Variants in PCDH15 observed in about 807,000 individuals in gnomAD.
The protein encoded by PCDH15 is protocadherin-15.
Under a neutral mutation model 178.5 loss-of-function variants are expected in PCDH15, and 129 were observed. That is an observed-to-expected ratio of 0.72 (90% CI 0.63 to 0.84). The LOEUF is 0.84. Among genes scored for constraint, PCDH15 ranks in the 40% least tolerant of loss-of-function variants. The probability of loss-of-function intolerance (pLI) is 0.00; values close to 1 mark genes in which losing one functional copy is unlikely to be tolerated. For synonymous variants in PCDH15, 800 were observed against 732.0 expected, an observed-to-expected ratio of 1.09 and a Z score of -1.50; for missense variants, 2,230 against 2,099.9, an observed-to-expected ratio of 1.06 and a Z score of -1.21.
At chr10:55,418,794 A>G (rs1011016489) in intron 2 of PCDH15, among the ~76,000 whole-genome samples, 3 of 151,944 alleles carry the variant, frequency 2.0e-5, no homozygotes, top group African/African-American at 7.2e-5. Context: ...AGATTTGACA[A>G]GTTCTCTTAT....
At position 54,485,112 on chromosome 10, in the gene PCDH15, T is replaced by G. The variant is rs187214474; in HGVS notation, c.157+42700A>C. On this transcript the variant is annotated intron_variant, in intron 3 of 37. Transcript: ENST00000644397. ...AATTCCACAATATGAGAACACTTAT[T>G]TTCTTCTTTTCCTCTCATAAATTTT... 5.9e-5 allele frequency among the ~76,000 whole-genome samples: 9 copies of G among 151,928 alleles called. No individual in the cohort carries two copies. In the East Asian group the frequency reaches 1.8e-3, roughly 30 times the overall value.
At chr10:54,806,556 T>C (rs1952781011) in intron 3 of PCDH15, among the ~76,000 whole-genome samples, 2 of 151,474 alleles carry the variant, frequency 1.3e-5, no homozygotes, top group Admixed American at 6.6e-5. Flanking sequence ...TGATCTCGGC[T>C]CATTGCAACT....
At chr10:54,231,341 G>T (rs563460300) in intron 9 of PCDH15, among the ~76,000 whole-genome samples, 1 of 152,300 alleles carries the variant, frequency 6.6e-6, no homozygotes, top group African/African-American at 2.4e-5. Flanking sequence ...TAAACCTGTG[G>T]ACACACAGAG....
intron 2 of PCDH15, among the ~76,000 whole-genome samples, chr10:55,075,368 T>A (rs1012466528): frequency 2.6e-5 from 2 of 78,064 alleles, no homozygotes; most frequent in African/African-American, 8.6e-5. Context: ...TTGTTTAAAT[T>A]TTTTTTTTTT....
chr10:55,068,025 T>C (rs1242633056), intron 2 of PCDH15, among the ~76,000 whole-genome samples: 1 of 152,088 alleles, frequency 6.6e-6, no homozygotes, highest in Non-Finnish European at 1.5e-5. Context: ...AATATTTTCT[T>C]ATATTTAAAA....
chr10:54,334,960 T>A (rs2133974165), intron 6 of PCDH15, among the ~76,000 whole-genome samples: 1 of 152,280 alleles, frequency 6.6e-6, no homozygotes, highest in Non-Finnish European at 1.5e-5. Context: ...TGTGAGTCTG[T>A]GTTTTAGTTC....
At chr10:55,307,364 A>G (rs907369504) in intron 1 of PCDH15, among the ~76,000 whole-genome samples, 3 of 151,806 alleles carry the variant, frequency 2.0e-5, no homozygotes, top group Non-Finnish European at 4.4e-5. Flanking sequence ...TTAGCCGGGC[A>G]TGGTGGCAGG....
chr10:54,124,844 A>G lies in PCDH15; in HGVS notation c.1917+8031T>C, dbSNP rs183918686. Among the ~76,000 whole-genome samples the G allele has an allele frequency of 7.9e-5, 12 of 152,334 alleles. No individual in the cohort carries two copies. The East Asian group carries it at 2.3e-3, about 29-fold the overall frequency. The stretch of plus-strand genomic sequence containing the variant: ...GAAATTTCTAGAACCTTTCAAAGAT[A>G]TCAGAAAAACAAATCAATACCTCTG... On this transcript the variant is annotated intron_variant, in intron 15 of 37. Coordinates refer to ENST00000644397, the MANE Select transcript of PCDH15 (RefSeq NM_001384140.1).
At chr10:55,138,716 C>T (rs544879425) in intron 2 of PCDH15, among the ~76,000 whole-genome samples, 2 of 152,132 alleles carry the variant, frequency 1.3e-5, no homozygotes, top group African/African-American at 4.8e-5. Flanking sequence ...CTTGTAAAAT[C>T]GGTACCAACA....
chr10:53,873,787 A>G (rs951657034), intron 26 of PCDH15, among the ~76,000 whole-genome samples: 1 of 152,214 alleles, frequency 6.6e-6, no homozygotes, highest in Non-Finnish European at 1.5e-5. Context: ...TGTCATTTGA[A>G]GGATGGGCCT....
chr10:54,700,065 G>GC (rs1356907205), intron 1 of PCDH15, among the ~76,000 whole-genome samples: 1 of 152,004 alleles, frequency 6.6e-6, no homozygotes, highest in African/African-American at 2.4e-5. Flanking sequence ...CCTGGCATTA[G>GC]CCCCCCAGAG....
intron 13 of PCDH15, among the ~76,000 whole-genome samples, chr10:54,167,831 A>C: frequency 3.4e-5 from 5 of 149,070 alleles, no homozygotes; most frequent in Admixed American, 6.7e-5. Flanking sequence ...CCATGCCCCA[A>C]CCCCTTATTT....
chr10:54,033,243 A>C (rs2093341947), intron 18 of PCDH15, among the ~76,000 whole-genome samples: 1 of 151,922 alleles, frequency 6.6e-6, no homozygotes, highest in Admixed American at 6.6e-5. Context: ...GCATTGCTTA[A>C]CCTTTTTCAT....
chr10:55,172,870 A>G (rs1203219575), intron 1 of PCDH15, among the ~76,000 whole-genome samples: 5 of 151,888 alleles, frequency 3.3e-5, no homozygotes, highest in Admixed American at 6.6e-5. Flanking sequence ...GAAAGCTGTT[A>G]TTAGAAAAAG....
chr10:53,821,739 C>T, intron 32 of PCDH15: 1 of 1,533,976 alleles, frequency 6.5e-7, no homozygotes, highest in East Asian at 2.3e-5. Context: ...AGAAAAAAAA[C>T]TGCATTTCAT....
At chr10:54,247,939 T>TAC (rs2056133397) in intron 8 of PCDH15, among the ~76,000 whole-genome samples, 1 of 133,064 alleles carries the variant, frequency 7.5e-6, no homozygotes. Context: ...TGAAAGAATA[T>TAC]ATATATATAT....
intron 10 of PCDH15, among the ~76,000 whole-genome samples, chr10:54,196,237 A>G (rs2133929797): frequency 6.6e-6 from 1 of 152,000 alleles, no homozygotes. Flanking sequence ...CTTCCTCCTG[A>G]GTTCACGCCA....
chr10:54,977,854 T>C (rs954282210), intron 2 of PCDH15, among the ~76,000 whole-genome samples: 1 of 152,162 alleles, frequency 6.6e-6, no homozygotes, highest in Non-Finnish European at 1.5e-5. Flanking sequence ...ATAAAGATAT[T>C]TGACAAATTC....
intron 7 of PCDH15, among the ~76,000 whole-genome samples, chr10:54,317,948 G>A (rs1029644398): frequency 2.6e-5 from 4 of 152,142 alleles, no homozygotes; most frequent in Non-Finnish European, 5.9e-5. Flanking sequence ...CAGTAGTTAA[G>A]CTTTTGTATG....
Sources: gnomAD v4.1 joint callset for allele counts (sites outside exome capture counted in the v4.1 genomes callset) on GRCh38, gnomAD v4.1.1 for gene constraint, MANE v1.5 for transcripts, NCBI Gene and HGNC (gene_info 2026-07-23, HGNC 2026-07-21) for gene names.